Variants in PFKFB3 observed in about 807,000 individuals in gnomAD.
PFKFB3 encodes the protein 6-phosphofructo-2-kinase/fructose-2,6-bisphosphatase 3.
Under a neutral mutation model 68.0 loss-of-function variants are expected in PFKFB3, and 33 were observed. That is an observed-to-expected ratio of 0.49 (90% CI 0.37 to 0.65). The LOEUF (loss-of-function observed/expected upper bound fraction) is 0.65, where lower values mean the gene tolerates loss of function less well. Ranked by LOEUF, PFKFB3 falls within the 30% of genes least tolerant of loss-of-function variation. The probability of loss-of-function intolerance (pLI) is 0.00; values close to 1 mark genes in which losing one functional copy is unlikely to be tolerated. For synonymous variants in PFKFB3, 315 were observed against 288.2 expected, an observed-to-expected ratio of 1.09 and a Z score of -0.94; for missense variants, 586 against 712.2, an observed-to-expected ratio of 0.82 and a Z score of 2.02.
intron 1 of PFKFB3, among the ~76,000 whole-genome samples, chr10:6,193,554 A>G (rs1843088858): frequency 6.6e-6 from 1 of 152,186 alleles, no homozygotes; most frequent in Non-Finnish European, 1.5e-5. Flanking sequence ...GATTACTCTC[A>G]GGTTTCTGTC....
chr10:6,153,606 C>G (rs779326062), intron 1 of PFKFB3, among the ~76,000 whole-genome samples: 2 of 152,184 alleles, frequency 1.3e-5, no homozygotes, highest in Non-Finnish European at 2.9e-5. Flanking sequence ...CTAATCCCAG[C>G]ATTTTGGGAG....
At chr10:6,283,540 A>AGATGGAGGCCGGAAGACTCAGGCCACGCT in the PFKFB3 span, among the ~76,000 whole-genome samples, 1 of 151,036 alleles carries the variant, frequency 6.6e-6, no homozygotes, top group African/African-American at 2.4e-5. Context: ...CATGGGAGAA[A>AGATGGAGGCCGGAAGACTCAGGCCACGCT]GATGGAGGCT....
the PFKFB3 span, among the ~76,000 whole-genome samples, chr10:6,285,075 G>A: frequency 6.6e-6 from 1 of 152,096 alleles, no homozygotes; most frequent in African/African-American, 2.4e-5. Flanking sequence ...TTAGCCTCCT[G>A]CTTTCAGTTC....
At chr10:6,159,112 A>G (rs1258063563) in intron 1 of PFKFB3, among the ~76,000 whole-genome samples, 1 of 152,134 alleles carries the variant, frequency 6.6e-6, no homozygotes, top group Non-Finnish European at 1.5e-5. Context: ...ATCCCAAAAC[A>G]GGCCAGGCGC....
intron 4 of PFKFB3, 128 bp downstream of exon 4, chr10:6,216,319 C>A: frequency 1.1e-6 from 1 of 904,186 alleles, no homozygotes; most frequent in Non-Finnish European, 1.8e-6. Context: ...GCCAGGGCAG[C>A]CCAATGGCTC....
the PFKFB3 span, among the ~76,000 whole-genome samples, chr10:6,279,994 A>C: frequency 1.3e-5 from 2 of 152,146 alleles, no homozygotes; most frequent in Admixed American, 6.6e-5. Context: ...ATAGGACCGG[A>C]TAGCTTTGGG....
At chr10:6,159,381 C>A (rs982898846) in intron 1 of PFKFB3, among the ~76,000 whole-genome samples, 1 of 150,290 alleles carries the variant, frequency 6.7e-6, no homozygotes, top group African/African-American at 2.5e-5. Context: ...GGTAACAGAG[C>A]GAGACTCTGT....
At chr10:6,145,055 G>C (rs1229400134) in intron 1 of PFKFB3, 9 of 1,305,708 alleles carry the variant, frequency 6.9e-6, no homozygotes, top group Non-Finnish European at 8.8e-6. Context: ...CAGCGCGCGC[G>C]GGGACCTGAG....
rs557166161 is a variant in PFKFB3 at position 6,203,082 on chromosome 10, C to G, written c.-179C>G. On this transcript the variant is annotated 5_prime_UTR_variant, in exon 1 of 15. Transcript: ENST00000379775. ...CCCTCGCAGCACACGTCGAGCCCCGCACAGGCGAGGGTCCGGAACTTAGCC... is the reference window on the plus strand; with the variant it reads ...CCCTCGCAGCACACGTCGAGCCCCGGACAGGCGAGGGTCCGGAACTTAGCC... 4 of 1,422,782 alleles carry G rather than the reference C, an allele frequency of 2.8e-6. No homozygotes were observed. The South Asian group carries it at 6.1e-5, about 22-fold the overall frequency. 88.1% of individuals were successfully genotyped at this position (1,422,782 alleles called of 1,614,324 possible).
At chr10:6,152,997 T>C (rs1179850443) in intron 1 of PFKFB3, among the ~76,000 whole-genome samples, 1 of 151,976 alleles carries the variant, frequency 6.6e-6, no homozygotes, top group Non-Finnish European at 1.5e-5. Flanking sequence ...TTGATCAACA[T>C]GGTGAAACCC....
At chr10:6,212,203 C>T (rs141484418) in intron 1 of PFKFB3, among the ~76,000 whole-genome samples, 1,961 of 152,320 alleles carry the variant, frequency 0.013, 91 homozygotes, top group East Asian at 0.021. Flanking sequence ...CGGGAGCTGG[C>T]GGGTATCATC....
At chr10:6,254,050 G>C in intron 14 of PFKFB3, 1 of 392,112 alleles carries the variant, frequency 2.6e-6, no homozygotes, top group Non-Finnish European at 4.5e-6. Flanking sequence ...TCAAAAAAAG[G>C]GTGATGAGGA....
chr10:6,285,315 C>G, the PFKFB3 span, among the ~76,000 whole-genome samples: 2 of 151,220 alleles, frequency 1.3e-5, no homozygotes, highest in African/African-American at 4.9e-5. Flanking sequence ...CTCACTGCAA[C>G]TTCTGCCTCC....
Position 6,226,625 on chromosome 10 carries a change from C to T in PFKFB3, c.1515+260C>T, listed in dbSNP as rs141236575. The stretch of plus-strand genomic sequence containing the variant: ...TGCTGGTGACAACCGTGACTGCGTT[C>T]GCCTCCTTTCTGAGGATGGGGTCTT... On this transcript the variant is annotated intron_variant, in intron 14 of 14. Coordinates refer to ENST00000379775, the MANE Select transcript of PFKFB3 (RefSeq NM_004566.4). 5.5e-3 allele frequency among the ~76,000 whole-genome samples: 835 copies of T among 152,274 alleles called. 5 individuals are homozygous for T. The highest frequency in any genetic ancestry group is 0.019 in the African/African-American group (795 of 41,538).
Position 6,221,384 on chromosome 10 carries a change from GC to G in PFKFB3, c.837del (p.Ser280ValfsTer3). ...SGLSSRGKKF[A>X]SALSKFVEEQ... ...GTCCCCCTCCACCACCTCTCAGTTT[GC>G]CAGTGCTCTGAGCAAGTTCGTGGAG... On this transcript the variant is annotated frameshift_variant, in exon 9 of 15. Coordinates refer to ENST00000379775, the MANE Select transcript of PFKFB3 (RefSeq NM_004566.4). LOFTEE classifies it high-confidence loss of function. 6.2e-7 allele frequency: 1 copy of G among 1,613,808 alleles called. No individual in the cohort carries two copies. The highest frequency in any genetic ancestry group is 8.5e-7 in the Non-Finnish European group (1 of 1,179,992).
chr10:6,244,120 T>C (rs1460473846), intron 14 of PFKFB3, among the ~76,000 whole-genome samples: 1 of 152,182 alleles, frequency 6.6e-6, no homozygotes, highest in Non-Finnish European at 1.5e-5. Flanking sequence ...GCCTCTCCAG[T>C]GTTGGGATTA....
intron 14 of PFKFB3, chr10:6,226,585 C>T: frequency 1.8e-6 from 1 of 555,284 alleles, no homozygotes; most frequent in Non-Finnish European, 3.1e-6. Flanking sequence ...AAGTTAAGAT[C>T]CTGGGGGCTT....
intron 1 of PFKFB3, among the ~76,000 whole-genome samples, chr10:6,177,106 C>T (rs147961424): frequency 1.6e-4 from 25 of 152,312 alleles, no homozygotes; most frequent in Non-Finnish European, 2.8e-4. Flanking sequence ...CATGCAGTGT[C>T]CTGGTTCAGC....
intron 7 of PFKFB3, among the ~76,000 whole-genome samples, chr10:6,219,995 A>G (rs1382328984): frequency 1.3e-5 from 2 of 152,166 alleles, no homozygotes; most frequent in Non-Finnish European, 2.9e-5. Context: ...GAAGTACAGG[A>G]AGTCAACATA....
Sources: gnomAD v4.1 joint callset for allele counts (sites outside exome capture counted in the v4.1 genomes callset) on GRCh38, gnomAD v4.1.1 for gene constraint, MANE v1.5 for transcripts, NCBI Gene and HGNC (gene_info 2026-07-23, HGNC 2026-07-21) for gene names.